RBFOX1: variants seen among roughly 807,000 people sequenced by gnomAD.
RBFOX1 encodes the protein RNA binding fox-1 homolog 1.
RBFOX1 carries 8 observed loss-of-function variants against 57.7 expected under a neutral mutation model. The ratio of observed to expected loss-of-function variants is 0.14; its 90% CI spans 0.08 to 0.25. The LOEUF (loss-of-function observed/expected upper bound fraction) is 0.25. RBFOX1 is among the 10% of genes least tolerant of loss of function. The pLI is 1.00. For synonymous variants in RBFOX1, 326 were observed against 222.4 expected, an observed-to-expected ratio of 1.47 and a Z score of -4.15; for missense variants, 611 against 548.5, an observed-to-expected ratio of 1.11 and a Z score of -1.14.
chr16:6,716,697 C>T (rs2064894368), intron 3 of RBFOX1, among the ~76,000 whole-genome samples: 1 of 152,126 alleles, frequency 6.6e-6, no homozygotes, highest in African/African-American at 2.4e-5. Flanking sequence ...TTCCTCTGGC[C>T]TTGATGTTTG....
intron 1 of RBFOX1, among the ~76,000 whole-genome samples, chr16:6,103,068 A>G (rs2096333922): frequency 6.6e-6 from 1 of 152,182 alleles, no homozygotes; most frequent in African/African-American, 2.4e-5. Context: ...TATAGATCGA[A>G]GTTGGACACT....
At chr16:6,034,830 G>C (rs2095343746) in intron 1 of RBFOX1, among the ~76,000 whole-genome samples, 1 of 152,116 alleles carries the variant, frequency 6.6e-6, no homozygotes. Context: ...TCCTGTTTCA[G>C]GATGGGGATG....
intron 3 of RBFOX1, among the ~76,000 whole-genome samples, chr16:6,736,318 TC>T (rs1160587193): frequency 6.6e-6 from 1 of 152,048 alleles, no homozygotes; most frequent in East Asian, 1.9e-4. Context: ...CCTCTACTCT[TC>T]CCCCCAAGTC....
At chr16:7,058,324 C>G (rs964715574) in intron 4 of RBFOX1, among the ~76,000 whole-genome samples, 4 of 152,090 alleles carry the variant, frequency 2.6e-5, no homozygotes, top group African/African-American at 9.7e-5. Flanking sequence ...TCTAAGCTTT[C>G]TTTTTTAAGG....
chr16:5,529,522 A>C (rs573878231), intron 2 of RBFOX1, among the ~76,000 whole-genome samples: 1 of 150,302 alleles, frequency 6.7e-6, no homozygotes, highest in South Asian at 2.1e-4. Flanking sequence ...TCAGCCTCCC[A>C]TGTAGCTGGG....
intron 4 of RBFOX1, among the ~76,000 whole-genome samples, chr16:7,245,210 T>G (rs1381046048): frequency 6.6e-6 from 1 of 152,270 alleles, no homozygotes; most frequent in Non-Finnish European, 1.5e-5. Context: ...ATCTTATATT[T>G]CATTTGAAAA....
At chr16:6,689,142 G>T (rs1431111083) in intron 3 of RBFOX1, among the ~76,000 whole-genome samples, 1 of 152,004 alleles carries the variant, frequency 6.6e-6, no homozygotes, top group Non-Finnish European at 1.5e-5. Context: ...TAATCCTATG[G>T]GTATATACCC....
chr16:7,668,341 G>A (rs749963634), intron 13 of RBFOX1, among the ~76,000 whole-genome samples: 4 of 152,204 alleles, frequency 2.6e-5, no homozygotes, highest in Non-Finnish European at 4.4e-5. Flanking sequence ...AAAGTTTTCA[G>A]AGGAAAGAGG....
chr16:5,268,752 C>G (rs2062926302), intron 1 of RBFOX1, among the ~76,000 whole-genome samples: 1 of 152,218 alleles, frequency 6.6e-6, no homozygotes. Flanking sequence ...CAAGTTGGGC[C>G]TATACCTGGG....
At chr16:7,278,372 T>A (rs908818939) in intron 4 of RBFOX1, among the ~76,000 whole-genome samples, 1 of 152,174 alleles carries the variant, frequency 6.6e-6, no homozygotes, top group Non-Finnish European at 1.5e-5. Context: ...GATCAAAATA[T>A]CTACATAAAG....
intron 3 of RBFOX1, among the ~76,000 whole-genome samples, chr16:6,923,668 C>T (rs116890372): frequency 6.6e-6 from 1 of 152,124 alleles, no homozygotes. Context: ...TACCCACACA[C>T]CCTTTACTCT....
At chr16:6,809,236 T>G (rs939386718) in intron 3 of RBFOX1, among the ~76,000 whole-genome samples, 1 of 152,194 alleles carries the variant, frequency 6.6e-6, no homozygotes, top group African/African-American at 2.4e-5. Flanking sequence ...GAATCTCATG[T>G]GATTCTGGGG....
intron 3 of RBFOX1, among the ~76,000 whole-genome samples, chr16:5,773,928 A>C (rs1014514134): frequency 1.3e-5 from 2 of 152,038 alleles, no homozygotes; most frequent in Non-Finnish European, 2.9e-5. Context: ...TACTGACCTC[A>C]TGATCTGCCT....
At chr16:7,380,833 G>T (rs867317999) in intron 4 of RBFOX1, among the ~76,000 whole-genome samples, 8 of 152,272 alleles carry the variant, frequency 5.3e-5, no homozygotes, top group Admixed American at 1.3e-4. Flanking sequence ...TAGAAGCAGG[G>T]GTCTTCTCCC....
chr16:5,540,234 C>A (rs569051163), intron 2 of RBFOX1, among the ~76,000 whole-genome samples: 3 of 152,216 alleles, frequency 2.0e-5, no homozygotes, highest in Non-Finnish European at 4.4e-5. Context: ...ATAGAATTCT[C>A]CAAGTTATTG....
chr16:6,651,246 C>T (rs1196088021), intron 2 of RBFOX1, among the ~76,000 whole-genome samples: 1 of 152,224 alleles, frequency 6.6e-6, no homozygotes, highest in African/African-American at 2.4e-5. Flanking sequence ...CCTGCACATC[C>T]ATGCCCTCCC....
At chr16:7,463,791 AACG>A (rs886074951) in intron 4 of RBFOX1, among the ~76,000 whole-genome samples, 3 of 152,236 alleles carry the variant, frequency 2.0e-5, no homozygotes, top group Non-Finnish European at 2.9e-5. Flanking sequence ...TTGCTCTGAT[AACG>A]ACAACAGCTG....
Position 6,037,378 on chromosome 16 carries a change from T to A in RBFOX1, c.-127+17386T>A, listed in dbSNP as rs553514183. 1.1e-4 allele frequency: 17 copies of A among 152,298 alleles called. 1 individual carries two copies. The South Asian group carries it at 3.5e-3, about 32-fold the overall frequency. The allele number at this position is 152,298 out of a possible 1,614,324, so 9.4% of individuals were successfully genotyped here. Reference sequence around the variant, plus strand: ...AATATTTGCAACATTTCTGTGAAGTTCTTGATAGCTAGACTTCCTGGTACA... The same window carrying A: ...AATATTTGCAACATTTCTGTGAAGTACTTGATAGCTAGACTTCCTGGTACA... On this transcript the variant is annotated intron_variant, in intron 1 of 15. Coordinates refer to ENST00000550418, the MANE Select transcript of RBFOX1 (RefSeq NM_018723.4).
At chr16:6,955,966 G>A (rs2046979) in intron 3 of RBFOX1, among the ~76,000 whole-genome samples, 103,612 of 151,944 alleles carry the variant, frequency 0.68, 36,247 homozygotes, top group African/African-American at 0.85. Context: ...TTGGCCTCCC[G>A]AAGTGCTGGG....
Sources: gnomAD v4.1 joint callset for allele counts (sites outside exome capture counted in the v4.1 genomes callset) on GRCh38, gnomAD v4.1.1 for gene constraint, MANE v1.5 for transcripts, NCBI Gene and HGNC (gene_info 2026-07-23, HGNC 2026-07-21) for gene names.